The following MTHFD1 variants were observed in gnomAD, a reference collection of about 807,000 sequenced individuals.
MTHFD1 encodes the protein C-1-tetrahydrofolate synthase, cytoplasmic.
A neutral mutation model predicts 110.3 loss-of-function variants in MTHFD1; 44 were observed. The ratio of observed to expected loss-of-function variants is 0.40; its 90% CI spans 0.31 to 0.51. The LOEUF (loss-of-function observed/expected upper bound fraction) is 0.51, where lower values mean the gene tolerates loss of function less well. MTHFD1 is among the 20% of genes least tolerant of loss of function. The pLI is 0.60. For missense variants in MTHFD1, 909 were observed against 1,173.1 expected (o/e 0.77, Z 3.29); for synonymous variants, 402 against 428.8 (o/e 0.94, Z 0.77).
chr14:64,447,936 CATA>C, intron 22 of MTHFD1: 1 of 466,174 alleles, frequency 2.1e-6, no homozygotes, highest in Non-Finnish European at 3.9e-6. Flanking sequence ...AATGATGTGG[CATA>C]ATGACAGGAA....
rs1238211448 is a variant in MTHFD1 at position 64,442,382 on chromosome 14, A to G, written c.2116A>G (p.Met706Val). The G allele has an allele frequency of 6.8e-6, 11 of 1,614,076 alleles. No individual in the cohort carries two copies. Among genetic ancestry groups the G allele is most frequent in the African/African-American group, 1.3e-5 (1 of 74,932 alleles). The part of the protein sequence containing the change: ...VLVATVRALK[M>V]HGGGPTVTAG... The stretch of plus-strand genomic sequence containing the variant: ...TGTTGCCACTGTCAGGGCTCTCAAG[A>G]TGCACGGGGGCGGCCCCACGGTGAG... The change falls in exon 21 of 28, where the codon ATG becomes GTG. Residue 706 changes from methionine to valine, a missense_variant. Met to Val is a conservative substitution (Grantham distance 21). Around this residue, in one of 3 missense-constraint regions of MTHFD1, gnomAD observed 482 missense variants for 646.0 expected, o/e 0.75. Transcript: ENST00000652337.
chr14:64,438,093 G>A (rs928879652), intron 16 of MTHFD1, among the ~76,000 whole-genome samples: 2 of 152,076 alleles, frequency 1.3e-5, no homozygotes, highest in African/African-American at 2.4e-5. Context: ...GGCTGGCCTC[G>A]AACTTTTGAC....
intron 21 of MTHFD1, 121 bp from the exon 22 acceptor site, chr14:64,444,572 C>G: frequency 1.8e-6 from 2 of 1,107,236 alleles, no homozygotes; most frequent in Non-Finnish European, 2.7e-6. Context: ...AGGAAATAAT[C>G]TTATACTACT....
At chr14:64,410,322 A>G (rs1473928621) in intron 2 of MTHFD1, among the ~76,000 whole-genome samples, 2 of 151,330 alleles carry the variant, frequency 1.3e-5, no homozygotes, top group East Asian at 1.9e-4. Flanking sequence ...AAAACTCTTG[A>G]CCTCAAGTAA....
intron 1 of MTHFD1, among the ~76,000 whole-genome samples, chr14:64,396,686 A>C (rs937392843): frequency 1.3e-4 from 19 of 151,532 alleles, no homozygotes; most frequent in African/African-American, 4.6e-4. Flanking sequence ...GGCGTGAGCC[A>C]CCGTGCCCAG....
chr14:64,427,711 G>T lies in MTHFD1; in HGVS notation c.1264+238G>T, dbSNP rs1035327093. ...TCTCTGGGATGGGTGATATGTAGCT[G>T]GAGGTGCTTTTATTTGACCCTCATA... On this transcript the variant is annotated intron_variant, in intron 12 of 27. Coordinates refer to ENST00000652337, the MANE Select transcript of MTHFD1 (RefSeq NM_005956.4). Among the ~76,000 whole-genome samples, 3 of 152,292 alleles carry T rather than the reference G, an allele frequency of 2.0e-5. No individual in the cohort carries two copies. The South Asian group carries it at 6.2e-4, about 32-fold the overall frequency.
chr14:64,427,249 T>TC (rs1365036822), intron 11 of MTHFD1, 88 bp from the exon 12 acceptor site: 1 of 1,452,234 alleles, frequency 6.9e-7, no homozygotes, highest in African/African-American at 1.4e-5. Flanking sequence ...AGATTACGAG[T>TC]CATTCTCTAG....
In MTHFD1 at chr14:64,459,912, A is replaced by G; in HGVS notation, c.*158A>G. On this transcript the variant is annotated 3_prime_UTR_variant, in exon 28 of 28. Coordinates refer to ENST00000652337, the MANE Select transcript of MTHFD1 (RefSeq NM_005956.4). ...AGGAGTTTCCCCAGAAGTCATTTTC[A>G]GCCTTAATTCTCATCATGTATAAAT... 2.6e-6 allele frequency: 4 copies of G among 1,535,918 alleles called. No homozygotes were observed. Among genetic ancestry groups the G allele is most frequent in the Non-Finnish European group, 3.5e-6 (4 of 1,146,722 alleles).
At chr14:64,405,277 T>C (rs2077928029) in intron 2 of MTHFD1, among the ~76,000 whole-genome samples, 1 of 152,202 alleles carries the variant, frequency 6.6e-6, no homozygotes, top group Admixed American at 6.5e-5. Context: ...GTGTTTTTTT[T>C]CCTCCATTTT....
chr14:64,435,520 TG>T, intron 15 of MTHFD1, 48 bp from the exon 16 acceptor site: 1 of 1,282,730 alleles, frequency 7.8e-7, no homozygotes, highest in Non-Finnish European at 1.1e-6. Context: ...TTACGTTTAT[TG>T]TGCTTCTGTT....
intron 2 of MTHFD1, among the ~76,000 whole-genome samples, chr14:64,401,481 T>A (rs2077896371): frequency 6.6e-6 from 1 of 152,172 alleles, no homozygotes; most frequent in Non-Finnish European, 1.5e-5. Flanking sequence ...GGTGGGCAGA[T>A]CACCTGAGGT....
chr14:64,451,494 T>C (rs1342536013), intron 24 of MTHFD1, among the ~76,000 whole-genome samples: 1 of 152,280 alleles, frequency 6.6e-6, no homozygotes, highest in Admixed American at 6.5e-5. Flanking sequence ...TGTTGAGCTT[T>C]GATTTTATAG....
intron 8 of MTHFD1, among the ~76,000 whole-genome samples, chr14:64,421,816 G>C (rs1197793852): frequency 1.3e-5 from 2 of 151,888 alleles, no homozygotes; most frequent in African/African-American, 4.8e-5. Context: ...TAGTAGAGAC[G>C]GGGTTTCACC....
Position 64,442,243 on chromosome 14 carries a change from T to C in MTHFD1, c.1997-20T>C, listed in dbSNP as rs1413274672. 6.2e-7 allele frequency: 1 copy of C among 1,614,142 alleles called. No homozygotes were observed. Among genetic ancestry groups the C allele is most frequent in the Admixed American group, 1.7e-5 (1 of 60,014 alleles). ...AGGGGAATTGGGATGGCATTTTTAC[T>C]GTTGCTTTCCTCTTTACAGTGACGG... On this transcript the variant is annotated intron_variant, in intron 20 of 27. Coordinates refer to ENST00000652337, the MANE Select transcript of MTHFD1 (RefSeq NM_005956.4).
intron 1 of MTHFD1, among the ~76,000 whole-genome samples, chr14:64,400,163 G>C (rs1042830768): frequency 7.1e-6 from 1 of 141,048 alleles, no homozygotes; most frequent in African/African-American, 2.7e-5. Flanking sequence ...CTGAGGTGGG[G>C]GGATCACCTG....
At position 64,417,831 on chromosome 14, in the gene MTHFD1, T is replaced by C. The variant is rs2078036139; in HGVS notation, c.479-57T>C. ...CTTATTCTAATTTCTCCACGTGGCA[T>C]GCGAAGGAGGGCAGCTTCTATCCTC... On this transcript the variant is annotated intron_variant, in intron 6 of 27. Transcript: ENST00000652337. The surrounding 1 kb of genome is among the most constrained non-coding windows in gnomAD (Gnocchi z 4.4). 3 of 1,609,770 alleles carry C rather than the reference T, an allele frequency of 1.9e-6. No individual in the cohort carries two copies. Among genetic ancestry groups the C allele is most frequent in the African/African-American group, 2.7e-5 (2 of 74,832 alleles).
rs534733644 is a variant in MTHFD1 at position 64,437,343 on chromosome 14, T to G, written c.1597+1672T>G. Among the ~76,000 whole-genome samples, 63 of 152,332 alleles carry G rather than the reference T, an allele frequency of 4.1e-4. 1 individual carries two copies. The highest frequency in any genetic ancestry group is 6.8e-4 in the Non-Finnish European group (46 of 68,022). On this transcript the variant is annotated intron_variant, in intron 16 of 27. Transcript: ENST00000652337. Reference sequence around the variant, plus strand: ...CAGCCATCAGCAATGATGTTATTAGTAGGAATATGGATCAATTTAATTTTG... The same window carrying G: ...CAGCCATCAGCAATGATGTTATTAGGAGGAATATGGATCAATTTAATTTTG...
chr14:64,397,373 A>G (rs1271463123), intron 1 of MTHFD1, among the ~76,000 whole-genome samples: 10 of 150,100 alleles, frequency 6.7e-5, no homozygotes, highest in African/African-American at 2.2e-4. Context: ...GCTCACTGCA[A>G]CCTCTGCCTC....
chr14:64,415,546 T>C (rs2078019044), intron 5 of MTHFD1, 52 bp downstream of exon 5: 2 of 1,613,600 alleles, frequency 1.2e-6, no homozygotes, highest in Admixed American at 1.7e-5. Flanking sequence ...ATTTATAATA[T>C]GTTTCTATTT....
Sources: allele counts gnomAD v4.1 joint callset (sites outside exome capture counted in the v4.1 genomes callset), GRCh38; gene constraint gnomAD v4.1.1; regional missense constraint gnomAD v4.1.1; non-coding constraint Gnocchi (gnomAD v3.1); transcripts MANE v1.5; gene names NCBI Gene and HGNC (gene_info 2026-07-23, HGNC 2026-07-21).